RAI14: variants seen among roughly 807,000 people sequenced by gnomAD.
The protein encoded by RAI14 is ankycorbin.
In RAI14, 45 loss-of-function variants were observed where a neutral mutation model predicts 115.4. The ratio of observed to expected loss-of-function variants is 0.39; its 90% CI spans 0.31 to 0.50. The LOEUF (loss-of-function observed/expected upper bound fraction) is 0.50, where lower values mean the gene tolerates loss of function less well. RAI14 is among the 20% of genes least tolerant of loss of function. RAI14 has a pLI of 0.85. For missense variants in RAI14, 939 were observed against 1,131.2 expected (o/e 0.83, Z 2.44); for synonymous variants, 371 against 415.4 (o/e 0.89, Z 1.30).
intron 1 of RAI14, chr5:34,657,047 C>T (rs1357271577): frequency 6.6e-6 from 1 of 152,202 alleles, no homozygotes; most frequent in Non-Finnish European, 1.5e-5. Flanking sequence ...CAGGGAGCCC[C>T]TCGGCCGGCC....
Position 34,730,403 on chromosome 5 carries a change from A to C in RAI14, c.37-27065A>C, listed in dbSNP as rs1004829028. Reference sequence around the variant, plus strand: ...ATAACAATTTATTGGCCAGGCATGGATGGTGGCTCATGCCTGTAATCCCAG... The same window carrying C: ...ATAACAATTTATTGGCCAGGCATGGCTGGTGGCTCATGCCTGTAATCCCAG... On this transcript the variant is annotated intron_variant, in intron 2 of 17. Coordinates refer to ENST00000265109, the MANE Select transcript of RAI14 (RefSeq NM_015577.3). Among the ~76,000 whole-genome samples the C allele has an allele frequency of 2.0e-5, 3 of 152,020 alleles. No individual in the cohort carries two copies. The East Asian group carries it at 5.8e-4, about 29-fold the overall frequency.
rs1280964807 is a variant in RAI14, at chr5:34,698,769, G to A, written c.36+11814G>A. Among the ~76,000 whole-genome samples, 7 of 152,156 alleles carry A rather than the reference G, an allele frequency of 4.6e-5. 1 individual carries two copies. The highest frequency in any genetic ancestry group is 1.7e-4 in the African/African-American group (7 of 41,428). On this transcript the variant is annotated intron_variant, in intron 2 of 17. Transcript: ENST00000265109. ...AATGGGTGGGGTGGGTGAAATAGAA[G>A]AATGAGGTTTCAAGTTGATTACATT...
intron 1 of RAI14, among the ~76,000 whole-genome samples, chr5:34,662,721 A>ATTTTTTTT (rs746930489): frequency 2.2e-5 from 2 of 91,912 alleles, no homozygotes; most frequent in South Asian, 4.9e-4. Flanking sequence ...ATTTAAACAG[A>ATTTTTTTT]TTTTTTTTTT....
intron 4 of RAI14, among the ~76,000 whole-genome samples, chr5:34,799,548 C>T (rs2150221162): frequency 6.9e-6 from 1 of 144,810 alleles, no homozygotes; most frequent in East Asian, 2.0e-4. Context: ...ACAAAACCAC[C>T]TTTCAAAATC....
At chr5:34,665,148 T>C (rs1743059387) in intron 1 of RAI14, among the ~76,000 whole-genome samples, 2 of 62,214 alleles carry the variant, frequency 3.2e-5, no homozygotes, top group African/African-American at 1.0e-4. Flanking sequence ...TATACACATA[T>C]ATATGTGTGT....
intron 3 of RAI14, among the ~76,000 whole-genome samples, chr5:34,773,121 A>G (rs763554042): frequency 5.3e-5 from 8 of 152,176 alleles, no homozygotes; most frequent in South Asian, 2.1e-4. Flanking sequence ...TTTGTTTTCA[A>G]ACAAACTTTG....
In RAI14 at chr5:34,807,963, C is replaced by T. The variant is rs1755125649; in HGVS notation, c.379+106C>T. On this transcript the variant is annotated intron_variant, in intron 6 of 17. Transcript: ENST00000265109. The stretch of plus-strand genomic sequence containing the variant: ...TCCATACTATTCCTGGTGCTCTTTT[C>T]TGTCATCATTTCTAAACATTCCCAT... 1.0e-5 allele frequency: 9 copies of T among 897,774 alleles called. No individual in the cohort carries two copies. The South Asian group carries it at 1.2e-4, about 12-fold the overall frequency. 55.6% of individuals were successfully genotyped at this position (897,774 alleles called of 1,614,324 possible).
intron 2 of RAI14, among the ~76,000 whole-genome samples, chr5:34,754,846 T>C (rs1747671821): frequency 6.6e-6 from 1 of 152,142 alleles, no homozygotes; most frequent in South Asian, 2.1e-4. Context: ...AGGGAACCCC[T>C]GCAATCAGAT....
At chr5:34,725,915 T>C (rs979406341) in intron 2 of RAI14, among the ~76,000 whole-genome samples, 1 of 149,488 alleles carries the variant, frequency 6.7e-6, no homozygotes, top group African/African-American at 2.5e-5. Context: ...TGAGCTGAGA[T>C]TGTGCCATTG....
intron 2 of RAI14, chr5:34,687,468 T>G: frequency 9.5e-7 from 1 of 1,057,892 alleles, no homozygotes; most frequent in Non-Finnish European, 1.2e-6. Context: ...CTCGTACTCA[T>G]TTGTTATCTA....
At chr5:34,788,765 T>G (rs1461823634) in intron 3 of RAI14, among the ~76,000 whole-genome samples, 1 of 151,862 alleles carries the variant, frequency 6.6e-6, no homozygotes, top group Non-Finnish European at 1.5e-5. Context: ...AGGTCAGGAG[T>G]TCGAGACCAG....
At chr5:34,771,669 G>T (rs1294006376) in intron 3 of RAI14, among the ~76,000 whole-genome samples, 2 of 152,142 alleles carry the variant, frequency 1.3e-5, no homozygotes, top group Admixed American at 6.5e-5. Flanking sequence ...TTTTGGGAAG[G>T]TTTGCACAAC....
At chr5:34,787,855 A>T (rs1306023961) in intron 3 of RAI14, among the ~76,000 whole-genome samples, 2 of 124,150 alleles carry the variant, frequency 1.6e-5, no homozygotes, top group African/African-American at 5.9e-5. Flanking sequence ...ATTGCCTTTA[A>T]TGGTTTATTA....
chr5:34,690,698 G>C (rs1272631925), intron 2 of RAI14, among the ~76,000 whole-genome samples: 1 of 152,202 alleles, frequency 6.6e-6, no homozygotes, highest in Admixed American at 6.5e-5. Flanking sequence ...ACATTGTCCG[G>C]TGGTTTTGAT....
chr5:34,793,730 G>A (rs1020834310), intron 3 of RAI14, among the ~76,000 whole-genome samples: 2 of 152,084 alleles, frequency 1.3e-5, no homozygotes, highest in African/African-American at 4.8e-5. Context: ...AATGGGATAT[G>A]GCTACTCTCT....
rs334920 is a variant in RAI14, at chr5:34,765,280, G to A, written c.167+7682G>A. On this transcript the variant is annotated intron_variant, in intron 3 of 17. Coordinates refer to ENST00000265109, the MANE Select transcript of RAI14 (RefSeq NM_015577.3). ...GAAGTGACTTTGGAACTGGGTAACA[G>A]GCAGAGGCTGGAACACTTTGGAGGA... 4.4e-3 allele frequency among the ~76,000 whole-genome samples: 668 copies of A among 152,316 alleles called. 4 individuals are homozygous for A. Among genetic ancestry groups the A allele is most frequent in the African/African-American group, 0.016 (647 of 41,570 alleles).
chr5:34,722,073 G>A (rs1420562022), intron 2 of RAI14, among the ~76,000 whole-genome samples: 1 of 151,964 alleles, frequency 6.6e-6, no homozygotes, highest in Admixed American at 6.6e-5. Context: ...CGCCCTGAAA[G>A]TGAGTTTTAT....
At position 34,769,800 on chromosome 5, in the gene RAI14, C is replaced by T. The variant is rs570248772; in HGVS notation, c.167+12202C>T. 2.0e-5 allele frequency among the ~76,000 whole-genome samples: 3 copies of T among 152,328 alleles called. No individual in the cohort carries two copies. In the East Asian group the frequency reaches 5.8e-4, roughly 29 times the overall value. On this transcript the variant is annotated intron_variant, in intron 3 of 17. Transcript: ENST00000265109. ...GAGTGCAGTGGTGTGATCTCAGCCTCACTGTAACCTCTGCCTCCTGGATTC... is the reference window on the plus strand; with the variant it reads ...GAGTGCAGTGGTGTGATCTCAGCCTTACTGTAACCTCTGCCTCCTGGATTC...
intron 1 of RAI14, among the ~76,000 whole-genome samples, chr5:34,681,655 C>T (rs561162846): frequency 7.2e-5 from 11 of 152,058 alleles, no homozygotes; most frequent in Admixed American, 1.3e-4. Context: ...CCACCACCCC[C>T]GGCTAATTAA....
Sources: allele counts gnomAD v4.1 joint callset (sites outside exome capture counted in the v4.1 genomes callset), GRCh38; gene constraint gnomAD v4.1.1; transcripts MANE v1.5; gene names NCBI Gene and HGNC (gene_info 2026-07-23, HGNC 2026-07-21).